ZNF385D: variants seen among roughly 807,000 people sequenced by gnomAD.
ZNF385D encodes the protein zinc finger protein 659.
Under a neutral mutation model 35.8 loss-of-function variants are expected in ZNF385D, and 15 were observed. The ratio of observed to expected loss-of-function variants is 0.42; its 90% CI spans 0.28 to 0.64. The LOEUF (loss-of-function observed/expected upper bound fraction) is 0.64, where lower values mean the gene tolerates loss of function less well. ZNF385D is among the 30% of genes least tolerant of loss of function. ZNF385D has a pLI of 0.23. For missense variants in ZNF385D, 474 were observed against 494.6 expected, an observed-to-expected ratio of 0.96 and a Z score of 0.39; for synonymous variants, 212 against 186.8, an observed-to-expected ratio of 1.13 and a Z score of -1.10.
At chr3:21,923,848 G>A (rs190977893) in intron 3 of ZNF385D, among the ~76,000 whole-genome samples, 1 of 152,084 alleles carries the variant, frequency 6.6e-6, no homozygotes, top group East Asian at 1.9e-4. Flanking sequence ...GGGGAGGGAG[G>A]GGAGGAAATG....
At chr3:21,650,573 T>A (rs913864186) in intron 2 of ZNF385D, among the ~76,000 whole-genome samples, 17 of 152,282 alleles carry the variant, frequency 1.1e-4, no homozygotes, top group African/African-American at 3.8e-4. Flanking sequence ...AACAAATTTT[T>A]AAAAAATCCT....
intron 3 of ZNF385D, among the ~76,000 whole-genome samples, chr3:22,081,500 C>G (rs191297548): frequency 1.8e-4 from 28 of 152,092 alleles, no homozygotes; most frequent in African/African-American, 6.0e-4. Context: ...ATGGCTGAAG[C>G]GAGTTGAGCT....
intron 2 of ZNF385D, among the ~76,000 whole-genome samples, chr3:21,598,748 G>A (rs569785112): frequency 4.6e-5 from 7 of 152,298 alleles, no homozygotes; most frequent in African/African-American, 1.7e-4. Flanking sequence ...GACTTGATAT[G>A]GGAATGCTAA....
At chr3:22,236,188 T>A (rs926699259) in intron 2 of ZNF385D, among the ~76,000 whole-genome samples, 1 of 152,206 alleles carries the variant, frequency 6.6e-6, no homozygotes, top group African/African-American at 2.4e-5. Flanking sequence ...AAAAATTTTA[T>A]GATATATATG....
At chr3:22,223,501 G>T (rs919937761) in intron 2 of ZNF385D, among the ~76,000 whole-genome samples, 2 of 152,084 alleles carry the variant, frequency 1.3e-5, no homozygotes, top group Admixed American at 6.5e-5. Flanking sequence ...TAAATTGGGG[G>T]TGTAATAGTG....
At chr3:21,823,234 G>A (rs1174710892) in intron 3 of ZNF385D, among the ~76,000 whole-genome samples, 2 of 152,128 alleles carry the variant, frequency 1.3e-5, no homozygotes, top group Admixed American at 1.3e-4. Context: ...ACTTTATGTA[G>A]TTGGTTATTC....
chr3:21,563,347 C>T (rs2063023055), intron 3 of ZNF385D: 1 of 152,316 alleles, frequency 6.6e-6, no homozygotes, highest in South Asian at 2.0e-4. Context: ...TTATAATCTA[C>T]TCAGTTTATG....
chr3:21,973,295 C>T (rs1025040938), intron 3 of ZNF385D, among the ~76,000 whole-genome samples: 1 of 151,812 alleles, frequency 6.6e-6, no homozygotes, highest in Non-Finnish European at 1.5e-5. Flanking sequence ...TATCTTATAT[C>T]AGTAGAATGA....
intron 3 of ZNF385D, among the ~76,000 whole-genome samples, chr3:21,806,912 T>A (rs932396047): frequency 2.0e-5 from 3 of 152,208 alleles, no homozygotes; most frequent in African/African-American, 7.2e-5. Flanking sequence ...AGAGCCAAGT[T>A]TGGAAAACAC....
intron 3 of ZNF385D, among the ~76,000 whole-genome samples, chr3:21,774,753 G>A (rs1342687615): frequency 6.6e-6 from 1 of 151,910 alleles, no homozygotes; most frequent in Non-Finnish European, 1.5e-5. Context: ...GGCTTTCCCA[G>A]TTCAGTACCT....
At chr3:21,858,399 A>G (rs763708902) in intron 3 of ZNF385D, among the ~76,000 whole-genome samples, 3 of 151,716 alleles carry the variant, frequency 2.0e-5, no homozygotes, top group Non-Finnish European at 4.4e-5. Flanking sequence ...TGTCCCCCCT[A>G]CCCCCAGATT....
At chr3:21,812,838 GA>G in intron 3 of ZNF385D, among the ~76,000 whole-genome samples, 1 of 152,344 alleles carries the variant, frequency 6.6e-6, no homozygotes, top group East Asian at 1.9e-4. Flanking sequence ...CAGCTTTGAA[GA>G]GAGTAGTAGT....
At chr3:21,786,792 T>C in intron 3 of ZNF385D, among the ~76,000 whole-genome samples, 1 of 152,218 alleles carries the variant, frequency 6.6e-6, no homozygotes, top group East Asian at 1.9e-4. Context: ...TCAACAGATT[T>C]CTTTTTTTGT....
At chr3:21,924,720 G>T (rs1350073909) in intron 3 of ZNF385D, among the ~76,000 whole-genome samples, 2 of 152,114 alleles carry the variant, frequency 1.3e-5, no homozygotes, top group East Asian at 1.9e-4. Context: ...GGAGACAAGT[G>T]GGGGCAGTAA....
At position 22,303,296 on chromosome 3, in the gene ZNF385D, C is replaced by T. The variant is rs184855295; in HGVS notation, c.106+69154G>A. ...TTACCCCATTGTCAATGAGATTTCC[C>T]ATCTTGCACATAGGCTGGGTCTTGT... On this transcript the variant is annotated intron_variant, in intron 2 of 5. Transcript: ENST00000494108. 7.4e-4 allele frequency among the ~76,000 whole-genome samples: 113 copies of T among 152,196 alleles called. 1 individual carries two copies. Among genetic ancestry groups the T allele is most frequent in the Admixed American group, 5.2e-3 (80 of 15,288 alleles).
intron 3 of ZNF385D, among the ~76,000 whole-genome samples, chr3:22,148,625 A>T (rs1193239570): frequency 6.6e-6 from 1 of 152,228 alleles, no homozygotes; most frequent in African/African-American, 2.4e-5. Context: ...TGACAAGTTT[A>T]CTGAGCAAAG....
rs1460148146 is a variant in ZNF385D at position 22,141,155 on chromosome 3, AAAT to A, written c.325+27659_325+27661del. 3.9e-5 allele frequency among the ~76,000 whole-genome samples: 6 copies of A among 152,328 alleles called. No homozygotes were observed. The East Asian group carries it at 9.7e-4, about 25-fold the overall frequency. On this transcript the variant is annotated intron_variant, in intron 3 of 5. Coordinates refer to the ZNF385D transcript ENST00000494108. Reference sequence around the variant, plus strand: ...ATAAGAGAGGTTTATACTGTTCCTAAAATAATAAGAGAACACAAAATAATAACA... The same window carrying A: ...ATAAGAGAGGTTTATACTGTTCCTAAAATAAGAGAACACAAAATAATAACA...
chr3:21,990,250 C>G (rs1018027153), intron 3 of ZNF385D, among the ~76,000 whole-genome samples: 1 of 152,188 alleles, frequency 6.6e-6, no homozygotes, highest in Admixed American at 6.5e-5. Context: ...GGTTTATTGG[C>G]ACTGGCATAA....
At chr3:21,912,558 C>T (rs597902) in intron 3 of ZNF385D, among the ~76,000 whole-genome samples, 20,748 of 151,978 alleles carry the variant, frequency 0.14, 1,593 homozygotes, top group Middle Eastern at 0.29. Context: ...CCATTCGAAG[C>T]ACTCCAGTGG....
Sources: allele counts gnomAD v4.1 joint callset (sites outside exome capture counted in the v4.1 genomes callset), GRCh38; gene constraint gnomAD v4.1.1; transcripts MANE v1.5; gene names NCBI Gene and HGNC (gene_info 2026-07-23, HGNC 2026-07-21).